Variants in SOX6 observed in about 807,000 individuals in gnomAD.
SOX6 encodes the protein transcription factor SOX-6.
In SOX6, 11 loss-of-function variants were observed where a neutral mutation model predicts 97.8. That is an observed-to-expected ratio of 0.11 (90% CI 0.07 to 0.19). The LOEUF (loss-of-function observed/expected upper bound fraction) is 0.19. Ranked by LOEUF, SOX6 falls within the 10% of genes least tolerant of loss-of-function variation. The pLI is 1.00. For synonymous variants in SOX6, 360 were observed against 371.4 expected, an observed-to-expected ratio of 0.97 and a Z score of 0.35; for missense variants, 810 against 1,039.5, an observed-to-expected ratio of 0.78 and a Z score of 3.04.
At position 16,435,161 on chromosome 11, in the gene SOX6, T is replaced by G. The variant is rs188325744; in HGVS notation, c.-5+41154A>C. Reference sequence around the variant, plus strand: ...TTGATTAAAAATAAAGGCATATGAATACCAATAATTTTTCAGGGTACAAAA... The same window carrying G: ...TTGATTAAAAATAAAGGCATATGAAGACCAATAATTTTTCAGGGTACAAAA... On this transcript the variant is annotated intron_variant, in intron 1 of 15. Coordinates refer to the SOX6 transcript ENST00000396356. Among the ~76,000 whole-genome samples, 248 of 152,228 alleles carry G rather than the reference T, an allele frequency of 1.6e-3. 1 individual carries two copies. Among genetic ancestry groups the G allele is most frequent in the Non-Finnish European group, 2.8e-3 (190 of 67,980 alleles).
At chr11:16,654,052 G>A (rs1421861719) in intron 3 of SOX6, among the ~76,000 whole-genome samples, 1 of 151,924 alleles carries the variant, frequency 6.6e-6, no homozygotes, top group African/African-American at 2.4e-5. Flanking sequence ...CCTTCACTCT[G>A]AGTTCATCTT....
At chr11:16,050,181 T>A (rs1217236911) in intron 10 of SOX6, among the ~76,000 whole-genome samples, 1 of 152,156 alleles carries the variant, frequency 6.6e-6, no homozygotes, top group African/African-American at 2.4e-5. Context: ...CAAATTAAAA[T>A]CTGAATTAGC....
intron 3 of SOX6, among the ~76,000 whole-genome samples, chr11:16,632,837 C>A (rs1848730339): frequency 6.6e-6 from 1 of 152,226 alleles, no homozygotes; most frequent in African/African-American, 2.4e-5. Flanking sequence ...AAGATTTCTG[C>A]ACAGGAGGAG....
intron 4 of SOX6, among the ~76,000 whole-genome samples, chr11:16,604,587 T>C (rs996502371): frequency 4.0e-5 from 6 of 151,666 alleles, no homozygotes; most frequent in African/African-American, 1.2e-4. Context: ...CAGCGGGAGG[T>C]CCGGAGCCCA....
In SOX6 at chr11:15,967,616, T is replaced by C. The variant is rs1853176136; in HGVS notation, c.*5193A>G. 1 of 152,156 alleles carries C rather than the reference T, an allele frequency of 6.6e-6. No homozygotes were observed. Among genetic ancestry groups the C allele is most frequent in the Non-Finnish European group, 1.5e-5 (1 of 68,034 alleles). 9.4% of individuals were successfully genotyped at this position (152,156 alleles called of 1,614,324 possible). On this transcript the variant is annotated 3_prime_UTR_variant, in exon 16 of 16. Coordinates refer to ENST00000683767, the MANE Select transcript of SOX6 (RefSeq NM_001367873.1). Reference sequence around the variant, plus strand: ...AGCTGGAGGAGGGTACAATAAAGACTGCACTTTCAAAAAAGCAAAAACACA... The same window carrying C: ...AGCTGGAGGAGGGTACAATAAAGACCGCACTTTCAAAAAAGCAAAAACACA...
At chr11:16,715,291 T>C (rs1281528747) in intron 2 of SOX6, among the ~76,000 whole-genome samples, 1 of 152,252 alleles carries the variant, frequency 6.6e-6, no homozygotes, top group East Asian at 1.9e-4. Flanking sequence ...ATTTTTGATA[T>C]GTTGGGTTAC....
chr11:16,372,162 T>A (rs1257250391), intron 1 of SOX6, among the ~76,000 whole-genome samples: 3 of 152,082 alleles, frequency 2.0e-5, no homozygotes, highest in African/African-American at 7.2e-5. Context: ...GTTTATTGAT[T>A]GATTAATGAC....
chr11:16,387,768 T>C (rs979282524), intron 1 of SOX6, among the ~76,000 whole-genome samples: 2 of 152,146 alleles, frequency 1.3e-5, no homozygotes, highest in African/African-American at 2.4e-5. Flanking sequence ...AATTTTAATT[T>C]GTAAAAGTTG....
At chr11:16,250,651 A>AGC (rs1853482402) in intron 3 of SOX6, among the ~76,000 whole-genome samples, 1 of 152,024 alleles carries the variant, frequency 6.6e-6, no homozygotes, top group Non-Finnish European at 1.5e-5. Flanking sequence ...TAATAACAGG[A>AGC]AAATTCCAAC....
chr11:16,514,044 C>T (rs1565168152), intron 4 of SOX6, among the ~76,000 whole-genome samples: 1 of 151,890 alleles, frequency 6.6e-6, no homozygotes, highest in Non-Finnish European at 1.5e-5. Context: ...AGACCTCCGT[C>T]TCTACAAAAA....
chr11:16,645,596 G>A (rs1380406505), intron 3 of SOX6, among the ~76,000 whole-genome samples: 1 of 152,178 alleles, frequency 6.6e-6, no homozygotes, highest in East Asian at 1.9e-4. Flanking sequence ...AATATGACTA[G>A]TGTTCTCATA....
chr11:16,342,826 C>T (rs1471409306), intron 1 of SOX6, among the ~76,000 whole-genome samples: 2 of 151,664 alleles, frequency 1.3e-5, no homozygotes, highest in East Asian at 3.9e-4. Flanking sequence ...GTATTACAGG[C>T]TTTTGAAGTG....
At chr11:16,063,582 G>T (rs1848021236) in intron 9 of SOX6, among the ~76,000 whole-genome samples, 1 of 103,002 alleles carries the variant, frequency 9.7e-6, no homozygotes, top group Non-Finnish European at 1.9e-5. Context: ...AATCATTTAG[G>T]ATCTCTAATG....
chr11:16,309,643 G>A (rs1855538765), intron 3 of SOX6, among the ~76,000 whole-genome samples: 2 of 152,064 alleles, frequency 1.3e-5, no homozygotes, highest in African/African-American at 4.8e-5. Context: ...ACAAGTGTTT[G>A]TTTTACCTTT....
chr11:16,235,280 A>T (rs1291754224), intron 3 of SOX6, among the ~76,000 whole-genome samples: 1 of 152,102 alleles, frequency 6.6e-6, no homozygotes, highest in Non-Finnish European at 1.5e-5. Context: ...TTAAATAAAT[A>T]CCTATATAAA....
At chr11:16,427,515 T>G (rs1257354430) in intron 1 of SOX6, among the ~76,000 whole-genome samples, 1 of 151,680 alleles carries the variant, frequency 6.6e-6, no homozygotes, top group Non-Finnish European at 1.5e-5. Context: ...ATGTGTGATG[T>G]TCCCCTTCCT....
chr11:15,993,643 T>G (rs1169116740), intron 13 of SOX6, among the ~76,000 whole-genome samples: 1 of 152,150 alleles, frequency 6.6e-6, no homozygotes, highest in Non-Finnish European at 1.5e-5. Context: ...CTGTACAACT[T>G]CCCCTAGAAG....
At chr11:16,138,694 TC>T (rs1199345716) in intron 6 of SOX6, among the ~76,000 whole-genome samples, 162 of 151,822 alleles carry the variant, frequency 1.1e-3, no homozygotes, top group African/African-American at 3.6e-3. Context: ...ATGCTATCCC[TC>T]CCCCCTCCTC....
chr11:16,622,822 A>G (rs1470853641), intron 3 of SOX6, among the ~76,000 whole-genome samples: 14 of 152,156 alleles, frequency 9.2e-5, no homozygotes, highest in Non-Finnish European at 5.9e-5. Flanking sequence ...TTCTACTTTT[A>G]GTTGTTTAGG....
Sources: gnomAD v4.1 joint callset for allele counts (sites outside exome capture counted in the v4.1 genomes callset) on GRCh38, gnomAD v4.1.1 for gene constraint, MANE v1.5 for transcripts, NCBI Gene and HGNC (gene_info 2026-07-23, HGNC 2026-07-21) for gene names.